The following DMD variants were observed in gnomAD, a reference collection of about 807,000 sequenced individuals.
DMD encodes the protein dystrophin, also known as mutant dystrophin.
Under a neutral mutation model 330.1 loss-of-function variants are expected in DMD, and 63 were observed. The ratio of observed to expected loss-of-function variants is 0.19; its 90% CI spans 0.16 to 0.24. DMD has a LOEUF of 0.24. Ranked by LOEUF, DMD falls within the 10% of genes least tolerant of loss-of-function variation. DMD has a pLI of 1.00. For synonymous variants in DMD, 1,223 were observed against 959.8 expected, an observed-to-expected ratio of 1.27 and a Z score of -5.07; for missense variants, 3,344 against 2,684.1, an observed-to-expected ratio of 1.25 and a Z score of -5.43.
chrX:32,828,109 C>T (rs960792644), intron 4 of DMD, among the ~76,000 whole-genome samples: 1 of 111,665 alleles, frequency 9.0e-6, no homozygotes, highest in African/African-American at 3.3e-5. Context: ...AGCATATTTT[C>T]TTAATCAGTC....
chrX:31,957,438 G>T (rs969345331), intron 45 of DMD, among the ~76,000 whole-genome samples: 1 of 111,773 alleles, frequency 8.9e-6, no homozygotes, highest in Non-Finnish European at 1.9e-5. Context: ...AAAGGGTAAA[G>T]ATATGCTTGT....
chrX:31,574,599 A>G (rs1285712023), intron 55 of DMD, among the ~76,000 whole-genome samples: 1 of 111,873 alleles, frequency 8.9e-6, no homozygotes. Context: ...AAAAGTGCCC[A>G]TATGGTCATT....
At chrX:32,726,895 T>C (rs1052827246) in intron 7 of DMD, among the ~76,000 whole-genome samples, 1 of 110,387 alleles carries the variant, frequency 9.1e-6, no homozygotes, top group Non-Finnish European at 1.9e-5. Context: ...TAACGTTTAC[T>C]AGATGTAGGA....
intron 2 of DMD, among the ~76,000 whole-genome samples, chrX:32,873,090 TCCC>T (rs1258693656): frequency 9.0e-6 from 1 of 111,360 alleles, no homozygotes; most frequent in Non-Finnish European, 1.9e-5. Context: ...TTCTTTTAGT[TCCC>T]TTTTTGATTG....
chrX:32,684,018 T>TAC (rs369735561), intron 9 of DMD, among the ~76,000 whole-genome samples: 9,368 of 70,743 alleles, frequency 0.13, 427 homozygotes, highest in African/African-American at 0.2. Context: ...CACACATACA[T>TAC]ACACACACAC....
At chrX:31,630,313 G>C (rs1019064259) in intron 54 of DMD, among the ~76,000 whole-genome samples, 2 of 112,042 alleles carry the variant, frequency 1.8e-5, no homozygotes, top group Non-Finnish European at 3.8e-5. Flanking sequence ...CTTGTGGTCT[G>C]AAATATTGAC....
intron 53 of DMD, among the ~76,000 whole-genome samples, chrX:31,663,243 C>T (rs1271059975): frequency 9.0e-6 from 1 of 111,648 alleles, no homozygotes; most frequent in Non-Finnish European, 1.9e-5. Flanking sequence ...ACCTGCTGTG[C>T]AGACCTTACA....
intron 42 of DMD, among the ~76,000 whole-genome samples, chrX:32,305,234 T>G (rs970630280): frequency 9.0e-6 from 1 of 111,639 alleles, no homozygotes; most frequent in African/African-American, 3.2e-5. Context: ...TAATTGGGAT[T>G]ATTAAATTTG....
intron 7 of DMD, among the ~76,000 whole-genome samples, chrX:32,776,020 A>T (rs2074105469): frequency 8.9e-6 from 1 of 111,901 alleles, no homozygotes; most frequent in East Asian, 2.8e-4. Flanking sequence ...TGCTGCTTAC[A>T]GATTTCTGCC....
rs747711954 is a variant in DMD, at chrX:31,920,114, G to A, written c.6912+9482C>T. On this transcript the variant is annotated intron_variant, in intron 47 of 78. Transcript: ENST00000357033. ...CCAGCATTTGGTATCCCTTTTCTATGGTTTGAAGCACTAGGGGTCAGCTGA... is the reference window on the plus strand; with the variant it reads ...CCAGCATTTGGTATCCCTTTTCTATAGTTTGAAGCACTAGGGGTCAGCTGA... Among the ~76,000 whole-genome samples the A allele has an allele frequency of 5.4e-5, 6 of 111,964 alleles. No homozygotes were observed. In the South Asian group the frequency reaches 2.2e-3, roughly 41 times the overall value.
intron 47 of DMD, among the ~76,000 whole-genome samples, chrX:31,886,378 T>C (rs1569497573): frequency 9.0e-6 from 1 of 110,584 alleles, no homozygotes; most frequent in Non-Finnish European, 1.9e-5. Flanking sequence ...ACATAAAAAA[T>C]CAAACAAGCC....
intron 55 of DMD, among the ~76,000 whole-genome samples, chrX:31,547,017 G>C: frequency 8.9e-6 from 1 of 112,316 alleles, no homozygotes; most frequent in Middle Eastern, 4.6e-3. Context: ...ACCAGTTCTA[G>C]TTGGTATTCT....
intron 62 of DMD, among the ~76,000 whole-genome samples, chrX:31,262,454 G>A (rs187568637): frequency 4.7e-4 from 53 of 112,118 alleles, no homozygotes; most frequent in Non-Finnish European, 5.6e-5. Context: ...AAGACATATG[G>A]AAATCATCCA....
At chrX:32,749,548 C>T in intron 7 of DMD, among the ~76,000 whole-genome samples, 1 of 112,143 alleles carries the variant, frequency 8.9e-6, no homozygotes, top group South Asian at 3.7e-4. Context: ...GCTCTCTGCT[C>T]CTAAGAATTA....
At chrX:32,556,691 G>C (rs1603636294) in intron 16 of DMD, among the ~76,000 whole-genome samples, 2 of 111,609 alleles carry the variant, frequency 1.8e-5, no homozygotes, top group South Asian at 3.8e-4. Flanking sequence ...TGTCTTTATA[G>C]CAGTGTAAGA....
intron 56 of DMD, among the ~76,000 whole-genome samples, chrX:31,506,564 T>G (rs1400670971): frequency 8.9e-6 from 1 of 112,538 alleles, no homozygotes; most frequent in East Asian, 2.8e-4. Flanking sequence ...CTTTTGTTCC[T>G]CCACGGAACT....
intron 2 of DMD, among the ~76,000 whole-genome samples, chrX:33,010,560 T>C (rs948470566): frequency 1.8e-5 from 2 of 110,365 alleles, no homozygotes; most frequent in Non-Finnish European, 3.8e-5. Context: ...ATAATGCAAA[T>C]ATTCCAAACG....
intron 52 of DMD, among the ~76,000 whole-genome samples, chrX:31,688,349 A>C (rs1249827754): frequency 5.4e-5 from 6 of 111,458 alleles, no homozygotes; most frequent in Non-Finnish European, 1.1e-4. Context: ...ACCTCTACGC[A>C]AATAAACTAG....
At chrX:33,249,948 T>C (rs2052741826) in intron 1 of DMD, among the ~76,000 whole-genome samples, 1 of 109,384 alleles carries the variant, frequency 9.1e-6, no homozygotes, top group Non-Finnish European at 1.9e-5. Flanking sequence ...GATTTAATAT[T>C]GGGTTTTTTG....
Sources: gnomAD v4.1 joint callset for allele counts (sites outside exome capture counted in the v4.1 genomes callset) on GRCh38, gnomAD v4.1.1 for gene constraint, MANE v1.5 for transcripts, NCBI Gene and HGNC (gene_info 2026-07-23, HGNC 2026-07-21) for gene names.